The following NPC1L1 variants were observed in gnomAD, a reference collection of about 807,000 sequenced individuals.
NPC1L1 encodes the protein NPC1 like intracellular cholesterol transporter 1.
Under a neutral mutation model 117.0 loss-of-function variants are expected in NPC1L1, and 98 were observed. The ratio of observed to expected loss-of-function variants is 0.84; its 90% CI spans 0.71 to 0.99. NPC1L1 has a LOEUF of 0.99. Among genes scored for constraint, NPC1L1 ranks in the 50% least tolerant of loss-of-function variants. The pLI, the probability that NPC1L1 is intolerant of heterozygous loss-of-function variation, is 0.00. For synonymous variants in NPC1L1, 729 were observed against 727.6 expected (o/e 1.00, Z -0.03); for missense variants, 1,540 against 1,710.0 (o/e 0.90, Z 1.75).
chr7:44,533,870 G>A lies in NPC1L1; in HGVS notation c.2167-17C>T, dbSNP rs766530292. 2.5e-6 allele frequency: 4 copies of A among 1,597,910 alleles called. No individual in the cohort carries two copies. Among genetic ancestry groups the A allele is most frequent in the Admixed American group, 3.4e-5 (2 of 58,084 alleles). On this transcript the variant is annotated splice_polypyrimidine_tract_variant and intron_variant, in intron 6 of 18. Coordinates refer to ENST00000381160, the MANE Select transcript of NPC1L1 (RefSeq NM_001101648.2). ...GGGCAGCCTCTGTGTGGGAACAGCAGGGATAAGAGCCAGGGCCCTCCAAGG... is the reference window on the plus strand; with the variant it reads ...GGGCAGCCTCTGTGTGGGAACAGCAAGGATAAGAGCCAGGGCCCTCCAAGG...
chr7:44,539,593 G>A lies in NPC1L1; in HGVS notation c.804C>T (p.Arg268=), dbSNP rs758060593. The A allele has an allele frequency of 1.6e-5, 26 of 1,613,904 alleles. No homozygotes were observed. Among genetic ancestry groups the A allele is most frequent in the Non-Finnish European group, 1.9e-5 (23 of 1,180,036 alleles). Residue 268 remains arginine (R), a synonymous_variant, in exon 2 of 19, where the codon CGC becomes CGT. Coordinates refer to ENST00000381160, the MANE Select transcript of NPC1L1 (RefSeq NM_001101648.2). This position sits in a 1 kb window ranked among gnomAD's most constrained non-coding sequence, Gnocchi z 4.4. The part of the protein sequence containing the change: ...DCAASCPAIA[R]PQALDSTFYL... ...AGAAGGTGGAGTCGAGGGCCTGGGG[G>A]CGGGCTATGGCAGGACAGGATGCAG...
At chr7:44,531,403 A>G (rs1028086705) in intron 10 of NPC1L1, among the ~76,000 whole-genome samples, 1 of 151,990 alleles carries the variant, frequency 6.6e-6, no homozygotes, top group African/African-American at 2.4e-5. Flanking sequence ...CTTCCCCTGA[A>G]CCCCTGCCCT....
chr7:44,516,222 C>A, intron 16 of NPC1L1, 25 bp from the exon 17 acceptor site: 1 of 1,571,054 alleles, frequency 6.4e-7, no homozygotes, highest in Non-Finnish European at 8.7e-7. Flanking sequence ...GGGGCATAAG[C>A]CAAGAAAGGC....
chr7:44,537,225 C>T (rs939680882), intron 2 of NPC1L1, among the ~76,000 whole-genome samples: 3 of 152,238 alleles, frequency 2.0e-5, no homozygotes, highest in African/African-American at 7.2e-5. Flanking sequence ...CTGTGGCAGG[C>T]AGGGGCTGCT....
At chr7:44,516,569 G>T in intron 16 of NPC1L1, 134 bp downstream of exon 16, 1 of 774,248 alleles carries the variant, frequency 1.3e-6, no homozygotes, top group Non-Finnish European at 2.2e-6. Flanking sequence ...TCATGTCACT[G>T]CCCTCAAGCC....
rs1330139141 is a variant in NPC1L1 at position 44,531,901 on chromosome 7, C to T, written c.2548-57G>A. 3 of 1,536,802 alleles carry T rather than the reference C, an allele frequency of 2.0e-6. No individual in the cohort carries two copies. The African/African-American group carries it at 4.1e-5, about 21-fold the overall frequency. ...TGCCCAACAGCCGTCCCCCATCTCC[C>T]CACAAATTTAAGTCAGTCAGGGTGT... On this transcript the variant is annotated intron_variant, in intron 9 of 18. Coordinates refer to ENST00000381160, the MANE Select transcript of NPC1L1 (RefSeq NM_001101648.2).
intron 5 of NPC1L1, among the ~76,000 whole-genome samples, chr7:44,535,157 G>A (rs1419364165): frequency 6.6e-6 from 1 of 152,148 alleles, no homozygotes; most frequent in Non-Finnish European, 1.5e-5. Flanking sequence ...CCTGAGGCCA[G>A]GAGTTCAAGA....
At chr7:44,515,696 G>T in intron 18 of NPC1L1, 107 bp downstream of exon 18, 1 of 1,363,226 alleles carries the variant, frequency 7.3e-7, no homozygotes, top group Non-Finnish European at 1.0e-6. Flanking sequence ...TCTGACATCT[G>T]CCCATGGCTC....
At chr7:44,516,998 C>A in intron 15 of NPC1L1, 64 bp from the exon 16 acceptor site, 2 of 1,508,084 alleles carry the variant, frequency 1.3e-6, no homozygotes, top group Non-Finnish European at 1.8e-6. Context: ...GGGTGGGACA[C>A]CCCACTTCAG....
Position 44,538,639 on chromosome 7 carries a change from A to G in NPC1L1, c.1580+178T>C, listed in dbSNP as rs995003556. Among the ~76,000 whole-genome samples, 1 of 152,182 alleles carries G rather than the reference A, an allele frequency of 6.6e-6. No individual in the cohort carries two copies. Among genetic ancestry groups the G allele is most frequent in the African/African-American group, 2.4e-5 (1 of 41,448 alleles). On this transcript the variant is annotated intron_variant, in intron 2 of 18. Coordinates refer to ENST00000381160, the MANE Select transcript of NPC1L1 (RefSeq NM_001101648.2). This position sits in a 1 kb window ranked among gnomAD's most constrained non-coding sequence, Gnocchi z 5.9. The stretch of plus-strand genomic sequence containing the variant: ...ATGAGCAGGAACTCTGACCAAAGGA[A>G]ATGGCGGCCGGACGAGGGGCAGAGA...
intron 17 of NPC1L1, 37 bp downstream of exon 17, chr7:44,516,047 G>T (rs373104764): frequency 6.2e-7 from 1 of 1,606,264 alleles, no homozygotes; most frequent in South Asian, 1.1e-5. Flanking sequence ...ACAGGGTGTC[G>T]AGTGGGGCAC....
rs141226339 is a variant in NPC1L1, at chr7:44,513,611, G to A, written c.3835C>T (p.Arg1279Trp). Residue 1279 changes from arginine to tryptophan, a missense_variant, in exon 19 of 19, where the codon CGG becomes TGG. By Grantham distance (101) the Arg-to-Trp change is moderately radical. Coordinates refer to ENST00000381160, the MANE Select transcript of NPC1L1 (RefSeq NM_001101648.2). ...VNPALALEQK[R>W]AEEAVAAVMV... ...ACTGCTGCCACCGCCTCCTCAGCCC[G>A]CTTCTGCTCCAGTGCCAGAGCCGGG... is the stretch of plus-strand genomic sequence containing the variant. 8.1e-5 allele frequency: 130 copies of A among 1,613,492 alleles called. No homozygotes were observed. The highest frequency in any genetic ancestry group is 1.1e-4 in the East Asian group (5 of 44,894).
chr7:44,526,687 T>A (rs1801527565), intron 10 of NPC1L1, among the ~76,000 whole-genome samples: 2 of 151,752 alleles, frequency 1.3e-5, no homozygotes, highest in Non-Finnish European at 2.9e-5. Context: ...CCAGCCTGAG[T>A]AACACAGTGA....
At position 44,540,207 on chromosome 7, in the gene NPC1L1, G is replaced by A. The variant is rs745748820; in HGVS notation, c.190C>T (p.Arg64Cys). Residue 64 changes from arginine (R) to cysteine (C), a missense_variant, in exon 2 of 19, where the codon CGC (arginine) becomes TGC (cysteine). This residue lies in a region of NPC1L1 where 793 missense variants were observed against 820.4 expected (regional missense o/e 0.97). Coordinates refer to ENST00000381160, the MANE Select transcript of NPC1L1 (RefSeq NM_001101648.2). ...NVSCLSNTPARKITGDHLILL... is the reference protein window; with the variant it reads ...NVSCLSNTPACKITGDHLILL... ...ATCAGGTGATCACCTGTGATCTTGC[G>A]GGCCGGCGTGTTGGACAGGCAGGAC... is the stretch of plus-strand genomic sequence containing the variant. 19 of 1,613,966 alleles carry A rather than the reference G, an allele frequency of 1.2e-5. No individual in the cohort carries two copies. The highest frequency in any genetic ancestry group is 8.0e-5 in the African/African-American group (6 of 74,894).
intron 10 of NPC1L1, among the ~76,000 whole-genome samples, chr7:44,525,708 AAAAAAT>A (rs1466215269): frequency 1.3e-5 from 2 of 152,210 alleles, no homozygotes; most frequent in African/African-American, 4.8e-5. Flanking sequence ...CCCTGCCTCT[AAAAAAT>A]AAAAATAAAA....
chr7:44,536,103 G>C lies in NPC1L1; in HGVS notation c.1855-135C>G. 1 of 1,542,048 alleles carries C rather than the reference G, an allele frequency of 6.5e-7. No homozygotes were observed. The highest frequency in any genetic ancestry group is 8.9e-7 in the Non-Finnish European group (1 of 1,119,044). On this transcript the variant is annotated intron_variant, in intron 4 of 18. Transcript: ENST00000381160. The surrounding 1 kb of genome is among the most constrained non-coding windows in gnomAD (Gnocchi z 4.7). ...ATGGCCCCCTATAATCGCAGGTGAG[G>C]CTATAAGAACAGCCATCACAATCAC...
intron 13 of NPC1L1, 69 bp downstream of exon 13, chr7:44,520,923 C>G (rs961542846): frequency 1.9e-5 from 30 of 1,613,660 alleles, no homozygotes; most frequent in Non-Finnish European, 2.5e-5. Context: ...CCTCCTGCCT[C>G]TCTATATTCA....
At position 44,533,636 on chromosome 7, in the gene NPC1L1, G is replaced by C; in HGVS notation, c.2282-78C>G. ...TAGCCGACATTGACAGGGTGCAGGG[G>C]GAAGGGAATCTGCACTATACCCACT... On this transcript the variant is annotated intron_variant, in intron 7 of 18. Coordinates refer to ENST00000381160, the MANE Select transcript of NPC1L1 (RefSeq NM_001101648.2). 3 of 1,610,420 alleles carry C rather than the reference G, an allele frequency of 1.9e-6. No individual in the cohort carries two copies. The South Asian group carries it at 3.3e-5, about 18-fold the overall frequency.
rs139575026 is a variant in NPC1L1 at position 44,535,944 on chromosome 7, G to A, written c.1879C>T (p.Arg627Cys). The A allele has an allele frequency of 4.9e-5, 79 of 1,613,180 alleles. No individual in the cohort carries two copies. Among genetic ancestry groups the A allele is most frequent in the Middle Eastern group, 3.7e-4 (2 of 5,370 alleles). Residue 627 changes from arginine (R) to cysteine (C), a missense_variant, in exon 5 of 19, where the codon CGC becomes TGC. Around this residue, in one of 3 missense-constraint regions of NPC1L1, gnomAD observed 793 missense variants for 820.4 expected, o/e 0.97. Coordinates refer to ENST00000381160, the MANE Select transcript of NPC1L1 (RefSeq NM_001101648.2). ...AERSLEDEIN[R>C]TTAEDLPIFA... The stretch of plus-strand genomic sequence containing the variant: ...ATGGGCAGGTCTTCAGCTGTGGTGC[G>A]ATTGATCTCGTCTTCCAGAGAGCGC...
Sources: gnomAD v4.1 joint callset for allele counts (sites outside exome capture counted in the v4.1 genomes callset) on GRCh38, gnomAD v4.1.1 for gene constraint, gnomAD v4.1.1 regional missense constraint, Gnocchi (gnomAD v3.1) non-coding constraint, MANE v1.5 for transcripts, NCBI Gene and HGNC (gene_info 2026-07-23, HGNC 2026-07-21) for gene names.